Variants in EFEMP1 observed in about 807,000 individuals in gnomAD.
EFEMP1 encodes EGF-like fibulin extracellular matrix protein 1.
A neutral mutation model predicts 65.7 loss-of-function variants in EFEMP1; 18 were observed. The observed-to-expected ratio is 0.27, with a 90% CI of 0.19 to 0.41. EFEMP1 has a LOEUF of 0.41. Among genes scored for constraint, EFEMP1 ranks in the 10% least tolerant of loss-of-function variants. The pLI is 1.00. For synonymous variants in EFEMP1, 237 were observed against 219.7 expected, an observed-to-expected ratio of 1.08 and a Z score of -0.70; for missense variants, 469 against 624.8, an observed-to-expected ratio of 0.75 and a Z score of 2.66.
intron 5 of EFEMP1, among the ~76,000 whole-genome samples, chr2:55,899,895 A>G (rs1401668052): frequency 2.6e-5 from 4 of 152,218 alleles, no homozygotes; most frequent in Non-Finnish European, 5.9e-5. Flanking sequence ...CTGGGGGGGA[A>G]GTCATTGCTA....
Position 55,917,781 on chromosome 2 carries a change from C to T in EFEMP1, c.401G>A (p.Arg134Gln), listed in dbSNP as rs748310171. 45 of 1,614,038 alleles carry T rather than the reference C, an allele frequency of 2.8e-5. No homozygotes were observed. In the Admixed American group the frequency reaches 3.3e-4, roughly 12 times the overall value. ...AVAGPEMQTG[R>Q]NNFVIRRNPA... ...GTTCCGCCGGATGACAAAGTTATTT[C>T]GGCCAGTCTGCATTTCAGGGCCTGC... Residue 134 changes from arginine to glutamine, a missense_variant, in exon 5 of 12, where the codon CGA becomes CAA. Arg to Gln is a conservative substitution (Grantham distance 43, BLOSUM62 1). Coordinates refer to ENST00000355426, the MANE Select transcript of EFEMP1 (RefSeq NM_001039348.3). This position sits in a 1 kb window ranked among gnomAD's most constrained non-coding sequence, Gnocchi z 6.3.
Position 55,923,246 on chromosome 2 carries a change from C to T in EFEMP1, c.-48-307G>A, listed in dbSNP as rs146003514. On this transcript the variant is annotated intron_variant, in intron 1 of 11. Coordinates refer to ENST00000355426, the MANE Select transcript of EFEMP1 (RefSeq NM_001039348.3). This position sits in a 1 kb window ranked among gnomAD's most constrained non-coding sequence, Gnocchi z 5.3. ...GGTTTCAGGCTGCCTAGGACCGGAACCAGGGATCGCACCGCAGCCCAAGGT... is the reference window on the plus strand; with the variant it reads ...GGTTTCAGGCTGCCTAGGACCGGAATCAGGGATCGCACCGCAGCCCAAGGT... Among the ~76,000 whole-genome samples, 1,660 of 152,260 alleles carry T rather than the reference C, an allele frequency of 0.011. 8 individuals are homozygous for T. Among genetic ancestry groups the T allele is most frequent in the Non-Finnish European group, 0.017 (1,162 of 68,022 alleles).
intron 5 of EFEMP1, among the ~76,000 whole-genome samples, chr2:55,896,011 A>C (rs1007377060): frequency 1.3e-5 from 2 of 152,134 alleles, no homozygotes; most frequent in African/African-American, 2.4e-5. Context: ...CTGACCACCA[A>C]AGTCTGGCAT....
At chr2:55,881,872 T>C (rs896502805) in intron 5 of EFEMP1, 138 bp from the exon 6 acceptor site, 5 of 1,155,786 alleles carry the variant, frequency 4.3e-6, no homozygotes, top group Non-Finnish European at 6.3e-6. Flanking sequence ...ATGTTTAAAA[T>C]TATAAATTAT....
At position 55,873,066 on chromosome 2, in the gene EFEMP1, CCA is replaced by C. The variant is rs58841515; in HGVS notation, c.1000+1878_1000+1879del. Among the ~76,000 whole-genome samples, 1,176 of 145,366 alleles carry C rather than the reference CCA, an allele frequency of 8.1e-3. 9 individuals carry two copies. Among genetic ancestry groups the C allele is most frequent in the East Asian group, 0.029 (141 of 4,856 alleles). ...TTCTTTTGTCTCTCTGTCTCTCTCTCCACACACACACACACACACACACACAC... is the reference window on the plus strand; with the variant it reads ...TTCTTTTGTCTCTCTGTCTCTCTCTCCACACACACACACACACACACACAC... On this transcript the variant is annotated intron_variant, in intron 9 of 11. Coordinates refer to ENST00000355426, the MANE Select transcript of EFEMP1 (RefSeq NM_001039348.3). The surrounding 1 kb of genome is among the most constrained non-coding windows in gnomAD (Gnocchi z 4.6).
chr2:55,905,267 T>C (rs1670209900), intron 5 of EFEMP1, among the ~76,000 whole-genome samples: 1 of 152,186 alleles, frequency 6.6e-6, no homozygotes, highest in South Asian at 2.1e-4. Context: ...AAATAATTAG[T>C]GTAATCTTCT....
chr2:55,884,123 T>C (rs369849477), intron 5 of EFEMP1, among the ~76,000 whole-genome samples: 60 of 152,312 alleles, frequency 3.9e-4, no homozygotes, highest in Admixed American at 1.4e-3. Flanking sequence ...GGCTGTGGTT[T>C]AGAATATTTA....
chr2:55,906,383 C>T (rs368332483), intron 5 of EFEMP1, among the ~76,000 whole-genome samples: 1 of 152,112 alleles, frequency 6.6e-6, no homozygotes, highest in Non-Finnish European at 1.5e-5. Flanking sequence ...GCCATCACGC[C>T]CAGCTAATTT....
At chr2:55,884,098 A>T (rs181619712) in intron 5 of EFEMP1, among the ~76,000 whole-genome samples, 2 of 152,162 alleles carry the variant, frequency 1.3e-5, no homozygotes, top group East Asian at 3.9e-4. Flanking sequence ...CTACATTTCC[A>T]TTTATGGCTT....
intron 5 of EFEMP1, among the ~76,000 whole-genome samples, chr2:55,889,875 A>G (rs1669570896): frequency 6.6e-6 from 1 of 151,940 alleles, no homozygotes; most frequent in Admixed American, 6.6e-5. Context: ...ATAGAATAAT[A>G]CAAAATACTC....
At position 55,870,880 on chromosome 2, in the gene EFEMP1, C is replaced by T. The variant is rs146446706; in HGVS notation, c.1160G>A (p.Arg387Gln). ...CVCPVSNAMC[R>Q]ELPQSIVYKY... ...GTAGACTATTGACTGGGGCAGTTCT[C>T]GGCACATGGCATTTGAGACTGGGCA... Residue 387 changes from arginine to glutamine, a missense_variant, in exon 11 of 12, where the codon CGA becomes CAA. Coordinates refer to ENST00000355426, the MANE Select transcript of EFEMP1 (RefSeq NM_001039348.3). The surrounding 1 kb of genome is among the most constrained non-coding windows in gnomAD (Gnocchi z 5.8). 3.5e-4 allele frequency: 557 copies of T among 1,613,654 alleles called. 4 individuals carry two copies. In the East Asian group the frequency reaches 7.2e-3, roughly 21 times the overall value.
At chr2:55,876,542 A>C (rs1669041772) in intron 8 of EFEMP1, 81 bp downstream of exon 8, 1 of 1,566,362 alleles carries the variant, frequency 6.4e-7, no homozygotes, top group Admixed American at 1.7e-5. Context: ...GTTTGTTTTC[A>C]TAAATGGGTA....
rs1251211109 is a variant in EFEMP1 at position 55,917,561 on chromosome 2, T to C, written c.517+104A>G. 2.1e-6 allele frequency: 3 copies of C among 1,415,072 alleles called. No homozygotes were observed. Among genetic ancestry groups the C allele is most frequent in the Non-Finnish European group, 3.0e-6 (3 of 999,662 alleles). 87.7% of individuals were successfully genotyped at this position (1,415,072 alleles called of 1,614,324 possible). A position where few individuals can be genotyped will look rare whatever the true frequency, so the allele number is the denominator to read the frequency against. On this transcript the variant is annotated intron_variant, in intron 5 of 11. Coordinates refer to ENST00000355426, the MANE Select transcript of EFEMP1 (RefSeq NM_001039348.3). This position sits in a 1 kb window ranked among gnomAD's most constrained non-coding sequence, Gnocchi z 6.3. ...TATAATGCAGACAAAGCACTTAGCA[T>C]GATGTCTGGCACGCGAGAAGTCCTT...
chr2:55,869,067 C>T (rs1668700224), intron 11 of EFEMP1, among the ~76,000 whole-genome samples: 1 of 152,016 alleles, frequency 6.6e-6, no homozygotes, highest in Non-Finnish European at 1.5e-5. Context: ...TTCTATCAGT[C>T]ATGAGAATAA....
Position 55,883,188 on chromosome 2 carries a change from A to G in EFEMP1, c.518-1454T>C, listed in dbSNP as rs1669309997. Among the ~76,000 whole-genome samples, 2 of 152,314 alleles carry G rather than the reference A, an allele frequency of 1.3e-5. No homozygotes were observed. The highest frequency in any genetic ancestry group is 1.3e-4 in the Admixed American group (2 of 15,306). ...TTTATTGGATAATAATCTATAAAGC[A>G]TCCACTTACGTAATTCTTTGAACTT... On this transcript the variant is annotated intron_variant, in intron 5 of 11. Coordinates refer to ENST00000355426, the MANE Select transcript of EFEMP1 (RefSeq NM_001039348.3). The surrounding 1 kb of genome is among the most constrained non-coding windows in gnomAD (Gnocchi z 4.5).
At chr2:55,911,346 T>C (rs1248915654) in intron 5 of EFEMP1, among the ~76,000 whole-genome samples, 1 of 152,116 alleles carries the variant, frequency 6.6e-6, no homozygotes, top group East Asian at 1.9e-4. Context: ...CCATATCCCA[T>C]GTGAAGTATT....
At chr2:55,875,154 T>C (rs1668979131) in intron 8 of EFEMP1, 89 bp from the exon 9 acceptor site, 1 of 501,158 alleles carries the variant, frequency 2.0e-6, no homozygotes, top group African/African-American at 2.1e-5. Context: ...ATTATATATA[T>C]ATATAAATTA....
intron 6 of EFEMP1, among the ~76,000 whole-genome samples, chr2:55,879,070 C>T (rs761115675): frequency 6.6e-6 from 1 of 152,170 alleles, no homozygotes; most frequent in Non-Finnish European, 1.5e-5. Context: ...TCTGCCCTAT[C>T]TATTCCCTTA....
Position 55,877,622 on chromosome 2 carries a change from T to C in EFEMP1, c.760+124A>G. The C allele has an allele frequency of 7.0e-7, 1 of 1,438,678 alleles. No homozygotes were observed. Among genetic ancestry groups the C allele is most frequent in the Non-Finnish European group, 9.7e-7 (1 of 1,035,754 alleles). The allele number at this position is 1,438,678 out of a possible 1,614,324, so 89.1% of individuals were successfully genotyped here. On this transcript the variant is annotated intron_variant, in intron 7 of 11. Transcript: ENST00000355426. The surrounding 1 kb of genome is among the most constrained non-coding windows in gnomAD (Gnocchi z 4.5). ...ATTGGTTATTATCTTTTAAGCTTTA[T>C]GATTGCTGAAGGGAAGTCGATGGAA...
Sources: gnomAD v4.1 joint callset for allele counts (sites outside exome capture counted in the v4.1 genomes callset) on GRCh38, gnomAD v4.1.1 for gene constraint, Gnocchi (gnomAD v3.1) non-coding constraint, MANE v1.5 for transcripts, NCBI Gene and HGNC (gene_info 2026-07-23, HGNC 2026-07-21) for gene names.